Variants in PCDH15 observed in about 807,000 individuals in gnomAD.
The protein encoded by PCDH15 is protocadherin related 15.
PCDH15 carries 129 observed loss-of-function variants against 178.5 expected under a neutral mutation model. The ratio of observed to expected loss-of-function variants is 0.72; its 90% confidence interval spans 0.63 to 0.84. PCDH15 has a LOEUF of 0.84. Among genes scored for constraint, PCDH15 ranks in the 40% least tolerant of loss-of-function variants. The pLI, the probability that PCDH15 is intolerant of heterozygous loss-of-function variation, is 0.00. For missense variants in PCDH15, 2,230 were observed against 2,099.9 expected, an observed-to-expected ratio of 1.06 and a Z score of -1.21; for synonymous variants, 800 against 732.0, an observed-to-expected ratio of 1.09 and a Z score of -1.50.
chr10:54,907,116 T>C (rs1250377744), intron 2 of PCDH15, among the ~76,000 whole-genome samples: 1 of 152,106 alleles, frequency 6.6e-6, no homozygotes, highest in Non-Finnish European at 1.5e-5. Context: ...TTTCCATGAG[T>C]GTATATTGGT....
intron 2 of PCDH15, among the ~76,000 whole-genome samples, chr10:54,639,620 T>C (rs1366340723): frequency 6.6e-6 from 1 of 152,186 alleles, no homozygotes; most frequent in East Asian, 1.9e-4. Flanking sequence ...TACAAAGATA[T>C]TCAATACATT....
At chr10:54,159,374 C>T (rs527291303) in intron 13 of PCDH15, among the ~76,000 whole-genome samples, 3 of 152,170 alleles carry the variant, frequency 2.0e-5, no homozygotes, top group South Asian at 4.1e-4. Context: ...GCTGGCTTTC[C>T]AGTCTTCATT....
chr10:54,427,269 G>GTTTTT lies in PCDH15; in HGVS notation c.158-48332_158-48328dup, dbSNP rs71007854. On this transcript the variant is annotated intron_variant, in intron 3 of 37. Transcript: ENST00000644397. ...CCTCTCATTTCTTTCTCTTTTTCTG[G>GTTTTT]TTTTTTTTTTTTTTTTTTTTTTTTT... 2.1e-4 allele frequency among the ~76,000 whole-genome samples: 12 copies of GTTTTT among 56,768 alleles called. 2 individuals are homozygous for GTTTTT. The highest frequency in any genetic ancestry group is 5.0e-4 in the African/African-American group (6 of 12,072). The allele number at this position is 56,768 out of a possible 152,430, so 37.2% of individuals were successfully genotyped here.
At chr10:55,470,554 C>G (rs2132106312) in intron 2 of PCDH15, among the ~76,000 whole-genome samples, 1 of 152,096 alleles carries the variant, frequency 6.6e-6, no homozygotes, top group East Asian at 1.9e-4. Flanking sequence ...GTGTTAAGTT[C>G]ATAGCAATTC....
At chr10:54,432,696 C>A (rs1957105124) in intron 3 of PCDH15, among the ~76,000 whole-genome samples, 1 of 151,962 alleles carries the variant, frequency 6.6e-6, no homozygotes, top group South Asian at 2.1e-4. Context: ...ACCCTACAAG[C>A]ACAGAAAACC....
intron 3 of PCDH15, among the ~76,000 whole-genome samples, chr10:54,453,084 G>T (rs565074091): frequency 6.6e-6 from 1 of 152,186 alleles, no homozygotes; most frequent in Non-Finnish European, 1.5e-5. Flanking sequence ...AAGGGTTGTG[G>T]AGGTCAGTGT....
At position 54,936,078 on chromosome 10, in the gene PCDH15, A is replaced by G. The variant is rs61283062; in HGVS notation, c.-79-38578T>C. Reference sequence around the variant, plus strand: ...TACCCTCAGTTCTAGGCAACCACAGATTGACTTTGGGTCTCTATAGATTTG... The same window carrying G: ...TACCCTCAGTTCTAGGCAACCACAGGTTGACTTTGGGTCTCTATAGATTTG... On this transcript the variant is annotated intron_variant, in intron 2 of 5. Transcript: ENST00000458638. Among the ~76,000 whole-genome samples the G allele has an allele frequency of 8.8e-3, 1,336 of 152,160 alleles. 15 individuals are homozygous for G. The highest frequency in any genetic ancestry group is 0.03 in the African/African-American group (1,241 of 41,550).
chr10:55,585,659 G>T (rs1302846818), intron 2 of PCDH15, among the ~76,000 whole-genome samples: 2 of 152,028 alleles, frequency 1.3e-5, no homozygotes, highest in African/African-American at 4.8e-5. Context: ...CTGGTCATCA[G>T]AGTGAAACTC....
chr10:54,457,175 A>G (rs920675718), intron 3 of PCDH15, among the ~76,000 whole-genome samples: 1 of 152,174 alleles, frequency 6.6e-6, no homozygotes, highest in African/African-American at 2.4e-5. Flanking sequence ...TTCAAAGCAC[A>G]ATTTTGTATA....
chr10:55,609,259 C>A (rs1589182088), intron 2 of PCDH15, among the ~76,000 whole-genome samples: 1 of 152,154 alleles, frequency 6.6e-6, no homozygotes, highest in Non-Finnish European at 1.5e-5. Flanking sequence ...GCATTATATA[C>A]AAACCACACT....
At chr10:54,432,553 T>G (rs1473343207) in intron 3 of PCDH15, among the ~76,000 whole-genome samples, 5 of 152,140 alleles carry the variant, frequency 3.3e-5, no homozygotes, top group Admixed American at 3.3e-4. Context: ...TTGACCCCTA[T>G]CTACTGCCAT....
intron 1 of PCDH15, among the ~76,000 whole-genome samples, chr10:54,685,841 T>A (rs7095782): frequency 6.6e-6 from 1 of 151,360 alleles, no homozygotes; most frequent in Admixed American, 6.6e-5. Context: ...CTGATTGAAC[T>A]GCACTGAAGT....
At chr10:54,037,786 T>G (rs1263901556) in intron 18 of PCDH15, among the ~76,000 whole-genome samples, 1 of 151,972 alleles carries the variant, frequency 6.6e-6, no homozygotes, top group African/African-American at 2.4e-5. Context: ...TTGCAGATAA[T>G]AAAGAAAGAA....
At chr10:54,957,257 CA>C (rs983838705) in intron 2 of PCDH15, among the ~76,000 whole-genome samples, 27 of 147,816 alleles carry the variant, frequency 1.8e-4, no homozygotes, top group East Asian at 7.9e-4. Context: ...ATAATTTGGG[CA>C]AAAAAAAATC....
chr10:54,249,758 C>T (rs780068731), intron 8 of PCDH15, among the ~76,000 whole-genome samples: 16 of 151,704 alleles, frequency 1.1e-4, no homozygotes, highest in African/African-American at 2.2e-4. Flanking sequence ...TTTTCAAGTA[C>T]TATGGCTTTT....
At chr10:54,074,658 G>A (rs918062937) in intron 17 of PCDH15, among the ~76,000 whole-genome samples, 1 of 152,102 alleles carries the variant, frequency 6.6e-6, no homozygotes, top group Non-Finnish European at 1.5e-5. Context: ...CTATGAACAT[G>A]GGAATACAAA....
intron 2 of PCDH15, among the ~76,000 whole-genome samples, chr10:54,656,544 G>C (rs1046549330): frequency 6.6e-6 from 1 of 152,138 alleles, no homozygotes; most frequent in South Asian, 2.1e-4. Flanking sequence ...GTCAAGTGCC[G>C]TACTAGTTGT....
At position 54,691,443 on chromosome 10, in the gene PCDH15, G is replaced by A. The variant is rs60229646; in HGVS notation, c.-28-27153C>T. 4.0e-3 allele frequency among the ~76,000 whole-genome samples: 604 copies of A among 152,002 alleles called. 8 individuals are homozygous for A. Among genetic ancestry groups the A allele is most frequent in the African/African-American group, 0.014 (567 of 41,486 alleles). On this transcript the variant is annotated intron_variant, in intron 1 of 37. Coordinates refer to ENST00000644397, the MANE Select transcript of PCDH15 (RefSeq NM_001384140.1). ...TATAAATTTCCTTCAGTATTCCTAA[G>A]ACTAAACTAATCTGAACCTCATGAC...
intron 15 of PCDH15, among the ~76,000 whole-genome samples, chr10:54,112,732 T>C (rs191018204): frequency 8.6e-4 from 131 of 152,308 alleles, no homozygotes; most frequent in Middle Eastern, 3.4e-3. Flanking sequence ...CACACATTTT[T>C]ACATATAAGA....
Sources: gnomAD v4.1 joint callset for allele counts (sites outside exome capture counted in the v4.1 genomes callset) on GRCh38, gnomAD v4.1.1 for gene constraint, MANE v1.5 for transcripts, NCBI Gene and HGNC (gene_info 2026-07-23, HGNC 2026-07-21) for gene names.